CRELD2: variants seen among roughly 807,000 people sequenced by gnomAD.
CRELD2 encodes CRELD disulfide isomerase 2, also known as protein disulfide isomerase CRELD2.
A neutral mutation model predicts 48.1 loss-of-function variants in CRELD2; 33 were observed. The ratio of observed to expected loss-of-function variants is 0.69; its 90% CI spans 0.52 to 0.92. The LOEUF is 0.92. CRELD2 is among the 40% of genes least tolerant of loss of function. The pLI is 0.00. For synonymous variants in CRELD2, 220 were observed against 203.9 expected (o/e 1.08, Z -0.67); for missense variants, 477 against 482.4 (o/e 0.99, Z 0.10).
rs2060667766 is a variant in CRELD2, at chr22:49,920,161, G to A, written c.329G>A (p.Ser110Asn). 1.9e-6 allele frequency: 3 copies of A among 1,605,634 alleles called. No individual in the cohort carries two copies. The highest frequency in any genetic ancestry group is 2.2e-5 in the South Asian group (2 of 90,948). The part of the protein sequence containing the change: ...HLEAWWLQLK[S>N]EYPDLFEWFC... ...ATGTTTTCCTCCATCCTCAGGAAGA[G>A]CGAATATCCTGACTTATTCGAGTGG... Residue 110 changes from serine to asparagine, a missense_variant, in exon 4 of 10, where the codon AGC (serine) becomes AAC (asparagine). Transcript: ENST00000328268.
At position 49,919,304 on chromosome 22, in the gene CRELD2, CG is replaced by C; in HGVS notation, c.205del (p.Glu69SerfsTer26). 6.2e-7 allele frequency: 1 copy of C among 1,613,528 alleles called. No homozygotes were observed. Among genetic ancestry groups the C allele is most frequent in the Non-Finnish European group, 8.5e-7 (1 of 1,179,930 alleles). On this transcript the variant is annotated frameshift_variant, in exon 2 of 10. Transcript: ENST00000328268. LOFTEE classifies it high-confidence loss of function. ...GGGAGGAAAAGACGCTGTCCAAGTACGAGTCCAGGTGGGTGCCCTGGAGCAC... is the reference window on the plus strand; with the variant it reads ...GGGAGGAAAAGACGCTGTCCAAGTACAGTCCAGGTGGGTGCCCTGGAGCAC... The part of the protein sequence containing the change: ...AWEEKTLSKY[E>X]SSEIRLLEIL...
At chr22:49,920,418 C>T (rs966011081) in intron 4 of CRELD2, among the ~76,000 whole-genome samples, 171 bp downstream of exon 4, 1 of 152,178 alleles carries the variant, frequency 6.6e-6, no homozygotes, top group Non-Finnish European at 1.5e-5. Context: ...TGGAGCACTT[C>T]GCACCGTCTG....
chr22:49,922,043 G>A, intron 5 of CRELD2: 1 of 602,618 alleles, frequency 1.7e-6, no homozygotes. Context: ...GCCATGCAGT[G>A]CACAGGTCCT....
Position 49,919,385 on chromosome 22 carries a change from C to T in CRELD2, c.212+73C>T. ...GGGAAGTCGTGTCCTGCCTTTGGTG[C>T]CTGTGTTAATGACAGGGAGACAGAA... On this transcript the variant is annotated intron_variant, in intron 2 of 9. Transcript: ENST00000328268. 9 of 1,392,218 alleles carry T rather than the reference C, an allele frequency of 6.5e-6. No individual in the cohort carries two copies. The Admixed American group carries it at 8.7e-5, about 13-fold the overall frequency. 86.2% of individuals were successfully genotyped at this position (1,392,218 alleles called of 1,614,324 possible).
intron 4 of CRELD2, among the ~76,000 whole-genome samples, chr22:49,920,569 T>G (rs2146640313): frequency 6.6e-6 from 1 of 152,346 alleles, no homozygotes; most frequent in East Asian, 1.9e-4. Context: ...CTGACTGACC[T>G]GTCCAGGTGC....
Position 49,919,812 on chromosome 22 carries a change from G to A in CRELD2, c.295G>A (p.Glu99Lys), listed in dbSNP as rs753214548. ...ECNQMLEAQE[E>K]HLEAWWLQLK... The stretch of plus-strand genomic sequence containing the variant: ...CAATCAGATGCTAGAGGCGCAGGAG[G>A]AGCACCTGGAGGCCTGGTGGCTGCA... Residue 99 changes from glutamate (E) to lysine (K), a missense_variant, in exon 3 of 10, where the codon GAG (glutamate) becomes AAG (lysine). Transcript: ENST00000328268. The A allele has an allele frequency of 1.7e-5, 27 of 1,612,038 alleles. No homozygotes were observed. Among genetic ancestry groups the A allele is most frequent in the Middle Eastern group, 3.3e-4 (2 of 6,078 alleles).
rs369179050 is a variant in CRELD2 at position 49,927,334 on chromosome 22, T to C, written c.*27T>C. 1.5e-4 allele frequency: 239 copies of C among 1,599,458 alleles called. No individual in the cohort carries two copies. The highest frequency in any genetic ancestry group is 1.9e-4 in the Non-Finnish European group (226 of 1,168,190). On this transcript the variant is annotated 3_prime_UTR_variant, in exon 10 of 10. Coordinates refer to ENST00000328268, the MANE Select transcript of CRELD2 (RefSeq NM_024324.5). The stretch of plus-strand genomic sequence containing the variant: ...GTGCCGGACTTACCCTTTAAATTAT[T>C]CAGAAGGATGTCCCGTGGAAAATGT...
At chr22:49,923,087 T>G in intron 6 of CRELD2, 147 bp from the exon 7 acceptor site, 2 of 633,158 alleles carry the variant, frequency 3.2e-6, no homozygotes, top group Non-Finnish European at 5.4e-6. Flanking sequence ...GGATGGCATT[T>G]GAGATGATTC....
At chr22:49,924,278 A>G in intron 7 of CRELD2, 82 bp from the exon 8 acceptor site, 1 of 943,714 alleles carries the variant, frequency 1.1e-6, no homozygotes, top group Non-Finnish European at 1.6e-6. Context: ...TCCTGGCGGC[A>G]CCGGTGCCTT....
In CRELD2 at chr22:49,921,566, G is replaced by T; in HGVS notation, c.416-19G>T. On this transcript the variant is annotated intron_variant, in intron 4 of 9. Transcript: ENST00000328268. Reference sequence around the variant, plus strand: ...TCACCACCAGGTGTGCTCTGAGCATGGTTTTGTGTCCCCTAAAGCATGCCA... The same window carrying T: ...TCACCACCAGGTGTGCTCTGAGCATTGTTTTGTGTCCCCTAAAGCATGCCA... 1 of 1,608,502 alleles carries T rather than the reference G, an allele frequency of 6.2e-7. No homozygotes were observed. The highest frequency in any genetic ancestry group is 8.5e-7 in the Non-Finnish European group (1 of 1,177,146).
In CRELD2 at chr22:49,925,802, C is replaced by G. The variant is rs563213935; in HGVS notation, c.1009+245C>G. 3.9e-6 allele frequency: 5 copies of G among 1,298,648 alleles called. No homozygotes were observed. The South Asian group carries it at 6.6e-5, about 17-fold the overall frequency. 80.4% of individuals were successfully genotyped at this position (1,298,648 alleles called of 1,614,324 possible). A position where few individuals can be genotyped will look rare whatever the true frequency, so the allele number is the denominator to read the frequency against. On this transcript the variant is annotated intron_variant, in intron 9 of 9. Transcript: ENST00000328268. ...AAGTTCAGGCGATGAAGGGGGAAGT[C>G]TCTGAAGCTCAGACCTCAGCGGGCG... is the stretch of plus-strand genomic sequence containing the variant.
In CRELD2 at chr22:49,918,773, C is replaced by A. The variant is rs886926530; in HGVS notation, c.4C>A (p.Arg2Ser). 48 of 1,202,594 alleles carry A rather than the reference C, an allele frequency of 4.0e-5. No homozygotes were observed. Among genetic ancestry groups the A allele is most frequent in the Non-Finnish European group, 4.7e-5 (44 of 935,712 alleles). The allele number at this position is 1,202,594 out of a possible 1,614,324, so 74.5% of individuals were successfully genotyped here. A position where few individuals can be genotyped will look rare whatever the true frequency, so the allele number is the denominator to read the frequency against. M[R>S]LPRRAALGLL... ...TCTTCCCGCAGCGCTACCCGCCATGCGCCTGCCGCGCCGGGCCGCGCTGGG... is the reference window on the plus strand; with the variant it reads ...TCTTCCCGCAGCGCTACCCGCCATGAGCCTGCCGCGCCGGGCCGCGCTGGG... The change falls in exon 1 of 10, where the codon CGC becomes AGC. Residue 2 changes from arginine to serine, a missense_variant. Arg to Ser is a moderately radical substitution (Grantham distance 110, BLOSUM62 -1). Coordinates refer to ENST00000328268, the MANE Select transcript of CRELD2 (RefSeq NM_024324.5).
Position 49,925,885 on chromosome 22 carries a change from G to A in CRELD2, c.1009+328G>A, listed in dbSNP as rs144107721. ...AGCTAAAGAGCTGGAAAAGTCATCC[G>A]GGGAAGCTGCCCAGGGTGCCGCAGA... On this transcript the variant is annotated intron_variant, in intron 9 of 9. Transcript: ENST00000328268. 247 of 531,244 alleles carry A rather than the reference G, an allele frequency of 4.6e-4. 2 individuals are homozygous for A. Among genetic ancestry groups the A allele is most frequent in the African/African-American group, 4.5e-3 (227 of 50,276 alleles). 32.9% of individuals were successfully genotyped at this position (531,244 alleles called of 1,614,324 possible).
At position 49,925,268 on chromosome 22, in the gene CRELD2, G is replaced by A. The variant is rs577150734; in HGVS notation, c.869-149G>A. On this transcript the variant is annotated intron_variant, in intron 8 of 9. Transcript: ENST00000328268. ...AGACGTGAAATTCTTCCCTCTCGAA[G>A]CCTTTCCTGATCTTTGCTCCTTTCT... The A allele has an allele frequency of 6.5e-6, 4 of 613,324 alleles. No individual in the cohort carries two copies. In the South Asian group the frequency reaches 8.7e-5, roughly 13 times the overall value. 38.0% of individuals were successfully genotyped at this position (613,324 alleles called of 1,614,324 possible). A position where few individuals can be genotyped will look rare whatever the true frequency, so the allele number is the denominator to read the frequency against.
rs114717108 is a variant in CRELD2, at chr22:49,923,356, G to A, written c.772+39G>A. 649 of 1,398,824 alleles carry A rather than the reference G, an allele frequency of 4.6e-4. 5 individuals are homozygous for A. In the African/African-American group the frequency reaches 0.011, roughly 24 times the overall value. 86.7% of individuals were successfully genotyped at this position (1,398,824 alleles called of 1,614,324 possible). On this transcript the variant is annotated intron_variant, in intron 7 of 9. Coordinates refer to ENST00000328268, the MANE Select transcript of CRELD2 (RefSeq NM_024324.5). ...GCGGGTCTGCACTCCGGGGCCTGCC[G>A]GGTTTCGTTGCTGCCTTTGTCAACA... is the stretch of plus-strand genomic sequence containing the variant.
chr22:49,922,920 C>CTT (rs2060715570), intron 6 of CRELD2, among the ~76,000 whole-genome samples: 5 of 23,658 alleles, frequency 2.1e-4, no homozygotes, highest in African/African-American at 7.3e-4. Flanking sequence ...GGTGTGGGGG[C>CTT]GTGAGGTGGG....
Position 49,920,207 on chromosome 22 carries a change from AGT to A in CRELD2, c.379_380del (p.Cys127LeufsTer52), listed in dbSNP as rs1297543363. 5.6e-6 allele frequency: 9 copies of A among 1,612,360 alleles called. No homozygotes were observed. The highest frequency in any genetic ancestry group is 7.6e-6 in the Non-Finnish European group (9 of 1,179,614). On this transcript the variant is annotated frameshift_variant, in exon 4 of 10. Transcript: ENST00000328268. LOFTEE classifies it high-confidence loss of function. ...FEWFCVKTLK[V>X]CCSPGTYGPD... is the part of the protein sequence containing the mutation. ...AGTGGTTTTGTGTGAAGACACTGAA[AGT>A]GTGCTGCTCTCCAGGAACCTACGGT...
At chr22:49,925,655 G>A (rs1459005456) in intron 9 of CRELD2, 98 bp downstream of exon 9, 1 of 1,573,398 alleles carries the variant, frequency 6.4e-7, no homozygotes, top group Non-Finnish European at 8.6e-7. Flanking sequence ...CACAGATGGT[G>A]GCCTTGAGAT....
chr22:49,922,620 G>T lies in CRELD2; in HGVS notation c.601G>T (p.Glu201Ter). 1 of 1,557,604 alleles carries T rather than the reference G, an allele frequency of 6.4e-7. No individual in the cohort carries two copies. Among genetic ancestry groups the T allele is most frequent in the Admixed American group, 1.9e-5 (1 of 53,018 alleles). Residue 201 changes from glutamate to a stop codon, truncating the protein, a stop_gained, in exon 6 of 10, where the codon GAG (glutamate) becomes TAG (stop). Coordinates refer to ENST00000328268, the MANE Select transcript of CRELD2 (RefSeq NM_024324.5). LOFTEE classifies it high-confidence loss of function. The stretch of plus-strand genomic sequence containing the variant: ...CCGCCTTTGCCTTCCAGCCTGTGAC[G>T]AGTCCTGCAAGACGTGCTCGGGCCT... ...ETHSICTACDESCKTCSGLTN... is the reference protein window; with the variant it reads ...ETHSICTACD
Sources: allele counts gnomAD v4.1 joint callset (sites outside exome capture counted in the v4.1 genomes callset), GRCh38; gene constraint gnomAD v4.1.1; transcripts MANE v1.5; gene names NCBI Gene and HGNC (gene_info 2026-07-23, HGNC 2026-07-21).